Variants in CDC42SE2 observed in about 807,000 individuals in gnomAD.
The protein encoded by CDC42SE2 is CDC42 small effector 2.
Under a neutral mutation model 11.5 loss-of-function variants are expected in CDC42SE2, and 3 were observed. The ratio of observed to expected loss-of-function variants is 0.26; its 90% CI spans 0.12 to 0.67. The LOEUF (loss-of-function observed/expected upper bound fraction) is 0.67, where lower values mean the gene tolerates loss of function less well. Among genes scored for constraint, CDC42SE2 ranks in the 30% least tolerant of loss-of-function variants. The probability of loss-of-function intolerance (pLI) is 0.80; values close to 1 mark genes in which losing one functional copy is unlikely to be tolerated. For synonymous variants in CDC42SE2, 33 were observed against 34.8 expected, an observed-to-expected ratio of 0.95 and a Z score of 0.18; for missense variants, 82 against 106.8, an observed-to-expected ratio of 0.77 and a Z score of 1.02.
At chr5:131,240,557 AG>A (rs567863481), upstream of CDC42SE2, among the ~76,000 whole-genome samples, 1 of 152,250 alleles carries the variant, frequency 6.6e-6, no homozygotes, top group South Asian at 2.1e-4. Flanking sequence ...AGTTTCTCCA[AG>A]AGTAAACATC....
chr5:131,287,899 T>C (rs188490021), intron 1 of CDC42SE2, among the ~76,000 whole-genome samples: 32 of 152,276 alleles, frequency 2.1e-4, no homozygotes, highest in Middle Eastern at 3.4e-3. Context: ...ATATGTAATT[T>C]TTTTTCTTTT....
chr5:131,348,392 T>G (rs1316928036), intron 2 of CDC42SE2, among the ~76,000 whole-genome samples: 1 of 152,184 alleles, frequency 6.6e-6, no homozygotes, highest in Admixed American at 6.6e-5. Flanking sequence ...CCATTCACAC[T>G]TGGTACAAAG....
chr5:131,233,886 G>C, the CDC42SE2 span, among the ~76,000 whole-genome samples: 1 of 152,062 alleles, frequency 6.6e-6, no homozygotes, highest in Non-Finnish European at 1.5e-5. Flanking sequence ...GGTGGATGTT[G>C]ATACTCAGGG....
chr5:131,218,478 G>C, the CDC42SE2 span, among the ~76,000 whole-genome samples: 7 of 152,188 alleles, frequency 4.6e-5, no homozygotes, highest in African/African-American at 1.7e-4. Flanking sequence ...ATGTTTGCTA[G>C]TATATACTAA....
chr5:131,301,156 G>A (rs949481500), intron 1 of CDC42SE2, among the ~76,000 whole-genome samples: 6 of 152,124 alleles, frequency 3.9e-5, no homozygotes, highest in African/African-American at 7.2e-5. Flanking sequence ...GTGTATATGT[G>A]TTTTAAAATG....
At chr5:131,369,988 T>C (rs957088187) in intron 3 of CDC42SE2, among the ~76,000 whole-genome samples, 1 of 152,234 alleles carries the variant, frequency 6.6e-6, no homozygotes, top group Non-Finnish European at 1.5e-5. Flanking sequence ...GAAACAAGTG[T>C]AGTCAGTAGC....
intron 1 of CDC42SE2, among the ~76,000 whole-genome samples, chr5:131,267,079 G>A (rs1364962042): frequency 3.5e-5 from 5 of 141,532 alleles, no homozygotes; most frequent in Non-Finnish European, 6.1e-5. Flanking sequence ...TTTTTGAAAC[G>A]GAGTCTTGCT....
rs768871620 is a variant in CDC42SE2 at position 131,390,983 on chromosome 5, C to CTTGT, written c.157-7_157-4dup. ...CCATTTTGTTTTGTTGTATTTTTGT[C>CTTGT]TTGTTTTAGGTTAGCTCCATTCAGA... On this transcript the variant is annotated splice_polypyrimidine_tract_variant and intron_variant, in intron 4 of 4. Coordinates refer to ENST00000505065, the MANE Select transcript of CDC42SE2 (RefSeq NM_001375635.1). The CTTGT allele has an allele frequency of 6.3e-7, 1 of 1,595,022 alleles. No individual in the cohort carries two copies. Among genetic ancestry groups the CTTGT allele is most frequent in the East Asian group, 2.3e-5 (1 of 44,334 alleles).
chr5:131,273,199 A>C (rs1207045743), intron 1 of CDC42SE2, among the ~76,000 whole-genome samples: 4 of 146,602 alleles, frequency 2.7e-5, no homozygotes, highest in Non-Finnish European at 6.0e-5. Flanking sequence ...TCTGTTGCCC[A>C]GGCTGGAGTG....
intron 1 of CDC42SE2, among the ~76,000 whole-genome samples, chr5:131,286,116 A>G (rs534147788): frequency 6.7e-5 from 10 of 148,256 alleles, no homozygotes; most frequent in Admixed American, 1.4e-4. Context: ...GTGCAGTGAC[A>G]TGATCTTGGC....
chr5:131,237,164 T>A, the CDC42SE2 span, among the ~76,000 whole-genome samples: 1 of 152,230 alleles, frequency 6.6e-6, no homozygotes, highest in Non-Finnish European at 1.5e-5. Context: ...CATCATTGTT[T>A]TTTGCATCCC....
intron 4 of CDC42SE2, 42 bp downstream of exon 4, chr5:131,385,686 T>C (rs1357250034): frequency 2.4e-6 from 3 of 1,244,986 alleles, no homozygotes; most frequent in Admixed American, 3.6e-5. Context: ...CATTGGGGCA[T>C]AGTCATATGA....
At chr5:131,321,852 GT>G (rs1003107990) in intron 2 of CDC42SE2, among the ~76,000 whole-genome samples, 53 of 151,904 alleles carry the variant, frequency 3.5e-4, no homozygotes, top group African/African-American at 1.2e-3. Flanking sequence ...TGTTTTTTTT[GT>G]TTTGTTTTTT....
chr5:131,386,241 C>T (rs1328873565), intron 4 of CDC42SE2, among the ~76,000 whole-genome samples: 1 of 152,206 alleles, frequency 6.6e-6, no homozygotes, highest in East Asian at 1.9e-4. Flanking sequence ...AGGGTTTGTG[C>T]TCCTATGAGA....
intron 2 of CDC42SE2, among the ~76,000 whole-genome samples, chr5:131,333,149 G>T (rs1219934545): frequency 6.6e-6 from 1 of 152,162 alleles, no homozygotes; most frequent in East Asian, 1.9e-4. Flanking sequence ...TTTGTATAAG[G>T]TGTAAGGAAG....
Position 131,291,884 on chromosome 5 carries a change from ATTAG to A in CDC42SE2, c.-454-24087_-454-24084del, listed in dbSNP as rs1002801578. On this transcript the variant is annotated intron_variant, in intron 1 of 4. Coordinates refer to ENST00000505065, the MANE Select transcript of CDC42SE2 (RefSeq NM_001375635.1). ...TGTACATATGTAGAAGTGGGGAGAA[ATTAG>A]TTAGGAAACCAGTCTGTTATGTTCT... Among the ~76,000 whole-genome samples, 20 of 152,278 alleles carry A rather than the reference ATTAG, an allele frequency of 1.3e-4. 1 individual carries two copies. Among genetic ancestry groups the A allele is most frequent in the African/African-American group, 3.6e-4 (15 of 41,554 alleles).
chr5:131,271,996 T>G (rs550834649), intron 1 of CDC42SE2, among the ~76,000 whole-genome samples: 8 of 151,832 alleles, frequency 5.3e-5, no homozygotes, highest in Non-Finnish European at 8.8e-5. Context: ...TTGCTGGTTG[T>G]TTTTGTTTTG....
chr5:131,361,778 G>A (rs1749716559), intron 3 of CDC42SE2, among the ~76,000 whole-genome samples: 2 of 152,124 alleles, frequency 1.3e-5, no homozygotes, highest in African/African-American at 2.4e-5. Context: ...GGGCTGCTAG[G>A]TGGCCCCAGC....
intron 2 of CDC42SE2, among the ~76,000 whole-genome samples, chr5:131,325,768 A>G (rs148323488): frequency 5.3e-5 from 8 of 152,334 alleles, no homozygotes; most frequent in East Asian, 1.9e-4. Context: ...TCTGTCAGCA[A>G]TGTTGCCTCC....
Sources: allele counts gnomAD v4.1 joint callset (sites outside exome capture counted in the v4.1 genomes callset), GRCh38; gene constraint gnomAD v4.1.1; transcripts MANE v1.5; gene names NCBI Gene and HGNC (gene_info 2026-07-23, HGNC 2026-07-21).